ERICH1: variants seen among roughly 807,000 people sequenced by gnomAD.
The protein encoded by ERICH1 is glutamate-rich protein 1.
ERICH1 carries 56 observed loss-of-function variants against 39.6 expected under a neutral mutation model. The ratio of observed to expected loss-of-function variants is 1.41; its 90% CI spans 1.14 to 1.77. The LOEUF (loss-of-function observed/expected upper bound fraction) is 1.77. Ranked by LOEUF, ERICH1 falls within the 40% of genes most tolerant of loss-of-function variation. The pLI is 0.00. For missense variants in ERICH1, 826 were observed against 575.4 expected (o/e 1.44, Z -4.45); for synonymous variants, 313 against 223.6 (o/e 1.40, Z -3.57).
chr8:698,899 GTTT>G (rs4045087), intron 2 of ERICH1, among the ~76,000 whole-genome samples: 12 of 140,364 alleles, frequency 8.5e-5, no homozygotes, highest in South Asian at 2.3e-4. Flanking sequence ...GTCTCTGTGA[GTTT>G]TTTTTTTTTT....
intron 3 of ERICH1, among the ~76,000 whole-genome samples, chr8:681,115 C>G (rs372795741): frequency 6.1e-4 from 93 of 152,296 alleles, no homozygotes; most frequent in African/African-American, 2.2e-3. Flanking sequence ...CAGGCTCTGC[C>G]GCACCAGCTT....
At chr8:620,563 T>C (rs138421386) in intron 3 of ERICH1, among the ~76,000 whole-genome samples, 280 of 152,176 alleles carry the variant, frequency 1.8e-3, no homozygotes, top group Admixed American at 2.9e-3. Context: ...GAAAATCCAG[T>C]GCAGCTTTTA....
intron 2 of ERICH1, among the ~76,000 whole-genome samples, chr8:701,006 G>A (rs1207752513): frequency 3.3e-5 from 5 of 152,278 alleles, no homozygotes; most frequent in African/African-American, 1.2e-4. Flanking sequence ...GCTGCGTGCA[G>A]CATCACGGAC....
intron 3 of ERICH1, among the ~76,000 whole-genome samples, chr8:617,062 T>C (rs1231833945): frequency 6.6e-6 from 1 of 151,808 alleles, no homozygotes; most frequent in South Asian, 2.1e-4. Context: ...GGTTCCCACT[T>C]TGACTCTTTG....
downstream of ERICH1, among the ~76,000 whole-genome samples, chr8:663,854 G>C (rs1472434099): frequency 1.3e-5 from 2 of 152,080 alleles, no homozygotes; most frequent in Admixed American, 1.3e-4. Flanking sequence ...CTGCCTCCCA[G>C]GTTCATGCCA....
At chr8:692,762 T>C in intron 2 of ERICH1, 150 bp from the exon 3 acceptor site, 1 of 974,912 alleles carries the variant, frequency 1.0e-6, no homozygotes, top group Non-Finnish European at 1.5e-6. Flanking sequence ...TCATAAATAC[T>C]GATTTTAATA....
At chr8:653,972 G>A (rs1392550704) in intron 3 of ERICH1, among the ~76,000 whole-genome samples, 1 of 152,194 alleles carries the variant, frequency 6.6e-6, no homozygotes, top group Non-Finnish European at 1.5e-5. Context: ...GTGGCACTGA[G>A]CAGAGGTCCC....
chr8:707,151 AGAATT>A (rs1813458222), intron 2 of ERICH1, among the ~76,000 whole-genome samples: 1 of 151,956 alleles, frequency 6.6e-6, no homozygotes, highest in African/African-American at 2.4e-5. Context: ...TCAATGGAAT[AGAATT>A]GAGAGTCCAG....
At chr8:721,013 T>C (rs559903661) in intron 1 of ERICH1, among the ~76,000 whole-genome samples, 1 of 152,316 alleles carries the variant, frequency 6.6e-6, no homozygotes, top group East Asian at 1.9e-4. Context: ...TTTTGTGTCA[T>C]ATTATCCATG....
chr8:726,896 C>CCAAG (rs57833370), intron 1 of ERICH1, among the ~76,000 whole-genome samples: 99,431 of 148,568 alleles, frequency 0.67, 33,387 homozygotes, highest in Middle Eastern at 0.78. Context: ...CACACACATC[C>CCAAG]CAGACATGCA....
intron 3 of ERICH1, among the ~76,000 whole-genome samples, chr8:689,079 C>T (rs1808326891): frequency 6.6e-6 from 1 of 152,130 alleles, no homozygotes; most frequent in Non-Finnish European, 1.5e-5. Flanking sequence ...GAGAGGTACA[C>T]TCATATAAAC....
intron 3 of ERICH1, among the ~76,000 whole-genome samples, chr8:655,708 T>TTCC (rs1800571466): frequency 8.8e-6 from 1 of 113,246 alleles, no homozygotes; most frequent in Non-Finnish European, 2.0e-5. Flanking sequence ...TCCTTCCTTC[T>TTCC]TTCCTTCCTC....
intron 3 of ERICH1, among the ~76,000 whole-genome samples, chr8:623,439 A>G (rs1418953947): frequency 6.6e-6 from 1 of 152,240 alleles, no homozygotes; most frequent in Non-Finnish European, 1.5e-5. Flanking sequence ...CAAGAATACT[A>G]TAACAACTCA....
intron 3 of ERICH1, among the ~76,000 whole-genome samples, chr8:684,711 A>T (rs1008560329): frequency 6.6e-6 from 1 of 152,218 alleles, no homozygotes; most frequent in African/African-American, 2.4e-5. Context: ...TCTGAGAAAT[A>T]AAGGGAAAGA....
intron 2 of ERICH1, among the ~76,000 whole-genome samples, chr8:708,681 G>GTTGTTTTTTTT (rs1813884559): frequency 1.5e-5 from 1 of 65,816 alleles, no homozygotes; most frequent in Non-Finnish European, 3.0e-5. Flanking sequence ...GGGATAATGA[G>GTTGTTTTTTTT]TTTTTTTTTT....
intron 3 of ERICH1, among the ~76,000 whole-genome samples, chr8:682,745 G>C (rs1377172812): frequency 1.3e-5 from 2 of 152,222 alleles, no homozygotes; most frequent in East Asian, 1.9e-4. Context: ...TGCTGGAGTA[G>C]AAATAGTTAG....
At chr8:702,354 G>C (rs1175638935) in intron 2 of ERICH1, among the ~76,000 whole-genome samples, 1 of 152,146 alleles carries the variant, frequency 6.6e-6, no homozygotes, top group Admixed American at 6.5e-5. Context: ...AGTCAAGTGA[G>C]CACACAGCGG....
chr8:637,101 G>A (rs963983898), intron 3 of ERICH1, among the ~76,000 whole-genome samples: 2 of 152,240 alleles, frequency 1.3e-5, no homozygotes, highest in Admixed American at 6.5e-5. Flanking sequence ...GAAGGCTAAC[G>A]ACACGTTTCT....
rs1563299329 is a variant in ERICH1, at chr8:700,435, GCCCTCACAGGCCACAGA to G, written c.170-7840_170-7824del. On this transcript the variant is annotated intron_variant, in intron 2 of 5. Coordinates refer to ENST00000262109, the MANE Select transcript of ERICH1 (RefSeq NM_207332.3). ...CGCACAGGCCCGCAGACGCGCACAG[GCCCTCACAGGCCACAGA>G]CCCGCACAGGCGCACAGACCCGCAC... 9.3e-4 allele frequency among the ~76,000 whole-genome samples: 73 copies of G among 78,686 alleles called. 3 individuals carry two copies. The highest frequency in any genetic ancestry group is 1.7e-3 in the African/African-American group (37 of 22,146). The allele number at this position is 78,686 out of a possible 152,430, so 51.6% of individuals were successfully genotyped here.
Sources: allele counts gnomAD v4.1 joint callset (sites outside exome capture counted in the v4.1 genomes callset), GRCh38; gene constraint gnomAD v4.1.1; transcripts MANE v1.5; gene names NCBI Gene and HGNC (gene_info 2026-07-23, HGNC 2026-07-21).